Variants in CDK5RAP2 observed in about 807,000 individuals in gnomAD.
The protein encoded by CDK5RAP2 is CDK5 regulatory subunit-associated protein 2.
In CDK5RAP2, 147 loss-of-function variants were observed where a neutral mutation model predicts 232.9. That is an observed-to-expected ratio of 0.63 (90% confidence interval 0.55 to 0.72). The LOEUF (loss-of-function observed/expected upper bound fraction) is 0.72. Ranked by LOEUF, CDK5RAP2 falls within the 30% of genes least tolerant of loss-of-function variation. The pLI, the probability that CDK5RAP2 is intolerant of heterozygous loss-of-function variation, is 0.00. For missense variants in CDK5RAP2, 2,195 were observed against 2,231.5 expected, an observed-to-expected ratio of 0.98 and a Z score of 0.33; for synonymous variants, 833 against 833.7, an observed-to-expected ratio of 1.00 and a Z score of 0.01.
At chr9:120,392,691 C>T (rs2032099339) in intron 36 of CDK5RAP2, among the ~76,000 whole-genome samples, 2 of 152,234 alleles carry the variant, frequency 1.3e-5, no homozygotes, top group African/African-American at 4.8e-5. Flanking sequence ...CACTGTCTCT[C>T]TCCAGGTTCC....
At chr9:120,467,803 A>T in intron 18 of CDK5RAP2, 57 bp downstream of exon 18, 1 of 1,593,836 alleles carries the variant, frequency 6.3e-7, no homozygotes, top group East Asian at 2.2e-5. Context: ...GAGCCACCAT[A>T]CCAAGCCGGT....
intron 5 of CDK5RAP2, among the ~76,000 whole-genome samples, chr9:120,540,789 G>C (rs571470189): frequency 4.6e-5 from 7 of 152,362 alleles, no homozygotes; most frequent in Non-Finnish European, 8.8e-5. Context: ...ACGTCGGCCT[G>C]TTCCTCTCTG....
chr9:120,483,298 G>A (rs901527314), intron 14 of CDK5RAP2, among the ~76,000 whole-genome samples: 1 of 152,234 alleles, frequency 6.6e-6, no homozygotes, highest in Non-Finnish European at 1.5e-5. Flanking sequence ...TCTCCTTTGT[G>A]AGCCAGGCCC....
intron 11 of CDK5RAP2, 97 bp from the exon 12 acceptor site, chr9:120,518,742 G>A (rs1204515370): frequency 1.1e-6 from 1 of 933,374 alleles, no homozygotes; most frequent in East Asian, 2.4e-5. Flanking sequence ...GGGAAAAAAA[G>A]AAAAGAAAAA....
At chr9:120,443,840 A>G (rs1405500045) in intron 22 of CDK5RAP2, 98 bp from the exon 23 acceptor site, 14 of 1,527,706 alleles carry the variant, frequency 9.2e-6, no homozygotes, top group Admixed American at 1.8e-5. Flanking sequence ...AACAGGGAAA[A>G]TAAAAACACT....
At chr9:120,472,752 C>T (rs1192771044) in intron 15 of CDK5RAP2, among the ~76,000 whole-genome samples, 4 of 152,162 alleles carry the variant, frequency 2.6e-5, no homozygotes, top group African/African-American at 9.7e-5. Context: ...AAAATGCACA[C>T]CTCCCAGAAT....
At chr9:120,455,116 C>G (rs923842063) in intron 20 of CDK5RAP2, among the ~76,000 whole-genome samples, 1 of 152,110 alleles carries the variant, frequency 6.6e-6, no homozygotes, top group Non-Finnish European at 1.5e-5. Context: ...CCCAGGAGGA[C>G]ATGGACTGGT....
intron 3 of CDK5RAP2, among the ~76,000 whole-genome samples, chr9:120,552,000 AAAAC>A (rs1479333055): frequency 6.6e-6 from 1 of 152,054 alleles, no homozygotes; most frequent in African/African-American, 2.4e-5. Flanking sequence ...TTACAAGAAA[AAAAC>A]AAACAACCCC....
chr9:120,477,280 T>C, intron 15 of CDK5RAP2, 70 bp downstream of exon 15: 1 of 1,080,484 alleles, frequency 9.3e-7, no homozygotes. Context: ...TGAAAGGGTG[T>C]GTGCGTGTAT....
At chr9:120,391,360 C>G (rs909485775) in intron 36 of CDK5RAP2, among the ~76,000 whole-genome samples, 1 of 152,188 alleles carries the variant, frequency 6.6e-6, no homozygotes, top group East Asian at 1.9e-4. Context: ...CCGAGGAACA[C>G]AGCGACAAAG....
intron 25 of CDK5RAP2, among the ~76,000 whole-genome samples, chr9:120,425,714 TG>T (rs1192422542): frequency 1.3e-5 from 2 of 152,200 alleles, no homozygotes; most frequent in Admixed American, 6.5e-5. Flanking sequence ...TGTCACAGCC[TG>T]GCATCTCCTA....
chr9:120,409,162 G>T lies in CDK5RAP2; in HGVS notation c.4569C>A (p.Ile1523=). ...CCTGGCCGCTGCAGCGGACCTCCTG[G>T]ATCAGCTGCTGGTTGTGTCTCTCCT... ...SEKERHNQQL[I]QEVRCSGQEL... is the part of the protein sequence containing the mutation. Residue 1523 remains isoleucine, a synonymous_variant, in exon 30 of 38, where the codon ATC becomes ATA. Transcript: ENST00000349780. 1 of 1,613,000 alleles carries T rather than the reference G, an allele frequency of 6.2e-7. No individual in the cohort carries two copies. The highest frequency in any genetic ancestry group is 1.1e-5 in the South Asian group (1 of 91,040).
chr9:120,541,062 C>T (rs1002026704), intron 5 of CDK5RAP2, among the ~76,000 whole-genome samples: 5 of 152,204 alleles, frequency 3.3e-5, no homozygotes, highest in African/African-American at 1.2e-4. Flanking sequence ...TTATACACGG[C>T]CGAAAGAATT....
intron 25 of CDK5RAP2, among the ~76,000 whole-genome samples, chr9:120,426,848 T>C (rs547778839): frequency 6.6e-6 from 1 of 152,324 alleles, no homozygotes; most frequent in East Asian, 1.9e-4. Context: ...TGGTTTCTTA[T>C]TGCTACAGAG....
chr9:120,430,676 A>C (rs1383367323), intron 25 of CDK5RAP2, among the ~76,000 whole-genome samples: 2 of 150,496 alleles, frequency 1.3e-5, no homozygotes, highest in Non-Finnish European at 3.0e-5. Flanking sequence ...ACTGTAAACT[A>C]GTTCAACCAT....
Position 120,529,992 on chromosome 9 carries a change from C to G in CDK5RAP2, c.811G>C (p.Glu271Gln), listed in dbSNP as rs2131916718. 3 of 1,613,890 alleles carry G rather than the reference C, an allele frequency of 1.9e-6. No individual in the cohort carries two copies. The East Asian group carries it at 6.7e-5, about 36-fold the overall frequency. ...GLCAAPREEK[E>Q]RETEAAQMEH... is the part of the protein sequence containing the mutation. The stretch of plus-strand genomic sequence containing the variant: ...TGTCACCTCACCTCAGTTTCTCTCT[C>G]CTTTTCTTCCCTTGGAGCAGCACAA... The change falls in exon 8 of 38, where the codon GAG becomes CAG. Residue 271 changes from glutamate to glutamine, a missense_variant. Transcript: ENST00000349780.
Position 120,572,239 on chromosome 9 carries a change from G to C in CDK5RAP2, c.60-198C>G, listed in dbSNP as rs141728137. Among the ~76,000 whole-genome samples, 41 of 152,282 alleles carry C rather than the reference G, an allele frequency of 2.7e-4. No homozygotes were observed. The East Asian group carries it at 7.9e-3, about 29-fold the overall frequency. ...TCCAGCTCCAACACTTGATAGCTGA[G>C]TGACCTTCAGTAACATCATTCATTC... On this transcript the variant is annotated intron_variant, in intron 1 of 37. Transcript: ENST00000349780.
Position 120,439,884 on chromosome 9 carries a change from A to T in CDK5RAP2, c.3237T>A (p.Ala1079=). Residue 1079 remains alanine (A), a synonymous_variant, in exon 24 of 38, where the codon GCT becomes GCA. Transcript: ENST00000349780. ...PEDVLSPTSV[A]TYLSSKSQPS... is the part of the protein sequence containing the mutation. ...GCTGACTCTTGGAACTCAGGTAAGTAGCTACTGAAGTTGGGCTCAGAACAT... is the reference window on the plus strand; with the variant it reads ...GCTGACTCTTGGAACTCAGGTAAGTTGCTACTGAAGTTGGGCTCAGAACAT... The T allele has an allele frequency of 6.2e-7, 1 of 1,614,232 alleles. No homozygotes were observed. Among genetic ancestry groups the T allele is most frequent in the Non-Finnish European group, 8.5e-7 (1 of 1,180,032 alleles).
intron 12 of CDK5RAP2, chr9:120,517,815 C>T: frequency 2.9e-6 from 1 of 349,436 alleles, no homozygotes; most frequent in Admixed American, 3.3e-5. Flanking sequence ...ATCCCAGCTA[C>T]TCAAGAAACT....
Sources: allele counts gnomAD v4.1 joint callset (sites outside exome capture counted in the v4.1 genomes callset), GRCh38; gene constraint gnomAD v4.1.1; transcripts MANE v1.5; gene names NCBI Gene and HGNC (gene_info 2026-07-23, HGNC 2026-07-21).